The following MORN3 variants were observed in gnomAD, a reference collection of about 807,000 sequenced individuals.
MORN3 encodes MORN repeat containing 3.
In MORN3, 38 loss-of-function variants were observed where a neutral mutation model predicts 34.7. The observed-to-expected ratio is 1.10, with a 90% CI of 0.85 to 1.44. The LOEUF is 1.44. Ranked by LOEUF, MORN3 falls within the 40% of genes most tolerant of loss-of-function variation. The probability of loss-of-function intolerance (pLI) is 0.00; values close to 1 mark genes in which losing one functional copy is unlikely to be tolerated. For synonymous variants in MORN3, 109 were observed against 115.3 expected, an observed-to-expected ratio of 0.95 and a Z score of 0.35; for missense variants, 311 against 321.7, an observed-to-expected ratio of 0.97 and a Z score of 0.25.
rs367963131 is a variant in MORN3, at chr12:121,668,149, T to A, written c.145+1190A>T. Among the ~76,000 whole-genome samples, 4 of 150,870 alleles carry A rather than the reference T, an allele frequency of 2.7e-5. No individual in the cohort carries two copies. The South Asian group carries it at 8.6e-4, about 32-fold the overall frequency. On this transcript the variant is annotated intron_variant, in intron 1 of 5. Coordinates refer to ENST00000355329, the MANE Select transcript of MORN3 (RefSeq NM_173855.5). ...CCTCCCAAAGTGCTGGGATTACAGA[T>A]GTGAGCCACCACACCCAGCCTGGAA...
chr12:121,654,673 C>T (rs59988934), intron 2 of MORN3, among the ~76,000 whole-genome samples: 37,928 of 151,702 alleles, frequency 0.25, 5,317 homozygotes, highest in East Asian at 0.4. Context: ...TCTCGGCTCA[C>T]TGTAACCTCC....
chr12:121,655,346 A>G (rs548506462), intron 2 of MORN3, among the ~76,000 whole-genome samples: 1 of 151,856 alleles, frequency 6.6e-6, no homozygotes, highest in African/African-American at 2.4e-5. Context: ...TCTCAAAAAA[A>G]AAAAAAATCG....
chr12:121,660,670 CTTT>C (rs780680002), intron 1 of MORN3, among the ~76,000 whole-genome samples: 1 of 120,716 alleles, frequency 8.3e-6, no homozygotes, highest in African/African-American at 3.5e-5. Context: ...TTCTTTCTTT[CTTT>C]TTTTTTTTTT....
In MORN3 at chr12:121,650,115, C is replaced by G. The variant is rs1893217948; in HGVS notation, c.*1536G>C. On this transcript the variant is annotated 3_prime_UTR_variant, in exon 6 of 6. Coordinates refer to ENST00000355329, the MANE Select transcript of MORN3 (RefSeq NM_173855.5). The stretch of plus-strand genomic sequence containing the variant: ...CCCCAGGTGGTAAGTACTGTTAATG[C>G]CCCATATTGCAAGTGAGGAGACCAA... 1 of 151,992 alleles carries G rather than the reference C, an allele frequency of 6.6e-6. No individual in the cohort carries two copies. Among genetic ancestry groups the G allele is most frequent in the Non-Finnish European group, 1.5e-5 (1 of 68,004 alleles). The allele number at this position is 151,992 out of a possible 1,614,324, so 9.4% of individuals were successfully genotyped here. A position where few individuals can be genotyped will look rare whatever the true frequency, so the allele number is the denominator to read the frequency against.
At chr12:121,661,057 A>G (rs556458706) in intron 1 of MORN3, among the ~76,000 whole-genome samples, 210 of 152,164 alleles carry the variant, frequency 1.4e-3, no homozygotes, top group South Asian at 4.1e-4. Flanking sequence ...CCAGGCTCAA[A>G]TGATCCTTCT....
chr12:121,658,569 A>G (rs1325492006), intron 2 of MORN3, among the ~76,000 whole-genome samples: 1 of 150,978 alleles, frequency 6.6e-6, no homozygotes, highest in Non-Finnish European at 1.5e-5. Flanking sequence ...CCCTCTCAAA[A>G]AAAAAAAAAA....
chr12:121,670,220 A>G (rs912693654), upstream of MORN3, among the ~76,000 whole-genome samples: 2 of 148,622 alleles, frequency 1.3e-5, no homozygotes, highest in Admixed American at 6.8e-5. Context: ...TATTTTGACA[A>G]TCACACCTAG....
Position 121,653,235 on chromosome 12 carries a change from C to G in MORN3, c.488G>C (p.Cys163Ser), listed in dbSNP as rs782471734. 1.2e-6 allele frequency: 2 copies of G among 1,614,110 alleles called. No individual in the cohort carries two copies. Among genetic ancestry groups the G allele is most frequent in the Non-Finnish European group, 1.7e-6 (2 of 1,180,002 alleles). Residue 163 changes from cysteine (C) to serine (S), a missense_variant, in exon 4 of 6, where the codon TGC (cysteine) becomes TCC (serine). Physicochemically the swap from Cys to Ser is moderately radical, Grantham distance 112 (BLOSUM62 -1). Transcript: ENST00000355329. ...RLKNGNRYEG[C>S]WERGMKNGAG... The stretch of plus-strand genomic sequence containing the variant: ...CCCGTTCTTCATGCCTCTCTCCCAG[C>G]AGCCCTCGTAGCGGTTCCCGTTCTC...
In MORN3 at chr12:121,653,115, C is replaced by A. The variant is rs373511449; in HGVS notation, c.608G>T (p.Arg203Leu). The part of the protein sequence containing the change: ...AKCGTMIDFG[R>L]DEAPEPTQFP... ...CTGAGTGGGCTCAGGGGCCTCGTCA[C>A]GGCCAAAGTCGATCATCGTCCCGCA... Residue 203 changes from arginine (R) to leucine (L), a missense_variant, in exon 4 of 6, where the codon CGT (arginine) becomes CTT (leucine). By Grantham distance (102) the Arg-to-Leu change is moderately radical. Transcript: ENST00000355329. 4 of 1,613,784 alleles carry A rather than the reference C, an allele frequency of 2.5e-6. No homozygotes were observed. Among genetic ancestry groups the A allele is most frequent in the Non-Finnish European group, 2.5e-6 (3 of 1,179,966 alleles).
chr12:121,653,456 T>C (rs1417133027), intron 3 of MORN3, among the ~76,000 whole-genome samples, 197 bp from the exon 4 acceptor site: 1 of 152,040 alleles, frequency 6.6e-6, no homozygotes, highest in Non-Finnish European at 1.5e-5. Context: ...ATTTTTTTAA[T>C]TAGCTGGGCA....
intron 2 of MORN3, 84 bp downstream of exon 2, chr12:121,659,105 CCT>C: frequency 2.0e-6 from 3 of 1,523,222 alleles, no homozygotes; most frequent in Non-Finnish European, 2.7e-6. Context: ...TTCTCCCAGG[CCT>C]CTCTCGGCTT....
At chr12:121,654,499 C>T in intron 2 of MORN3, 66 bp from the exon 3 acceptor site, 1 of 1,486,886 alleles carries the variant, frequency 6.7e-7, no homozygotes, top group Non-Finnish European at 9.0e-7. Flanking sequence ...CCACCGTCTT[C>T]CCAGGCACCC....
rs748119148 is a variant in MORN3 at position 121,659,184 on chromosome 12, T to G, written c.303+7A>C. On this transcript the variant is annotated splice_region_variant and intron_variant, in intron 2 of 5. Transcript: ENST00000355329. The stretch of plus-strand genomic sequence containing the variant: ...ACACACACACCCCGGCTGGCAGGCC[T>G]GCTCACCGATTTCTTATCACCTTTC... 9 of 1,607,746 alleles carry G rather than the reference T, an allele frequency of 5.6e-6. No homozygotes were observed. Among genetic ancestry groups the G allele is most frequent in the Non-Finnish European group, 6.8e-6 (8 of 1,176,338 alleles).
upstream of MORN3, among the ~76,000 whole-genome samples, chr12:121,671,756 T>G (rs1893975281): frequency 6.6e-6 from 1 of 152,000 alleles, no homozygotes; most frequent in South Asian, 2.1e-4. Flanking sequence ...TGACGACGCC[T>G]GTAATCCCAG....
At chr12:121,659,128 C>CAA in intron 2 of MORN3, 63 bp downstream of exon 2, 2 of 1,514,716 alleles carry the variant, frequency 1.3e-6, no homozygotes, top group Non-Finnish European at 1.8e-6. Flanking sequence ...CCCCTAAACA[C>CAA]ACACGCGCGC....
chr12:121,660,856 C>CG (rs956479526), intron 1 of MORN3, among the ~76,000 whole-genome samples: 24 of 151,794 alleles, frequency 1.6e-4, no homozygotes, highest in Middle Eastern at 3.4e-3. Flanking sequence ...TCAGTAGAGA[C>CG]GGGGGTCTCT....
At chr12:121,661,883 GAGA>G (rs958059734) in intron 1 of MORN3, among the ~76,000 whole-genome samples, 13 of 150,914 alleles carry the variant, frequency 8.6e-5, no homozygotes, top group Admixed American at 4.0e-4. Context: ...AAGAAAGAAA[GAGA>G]AGGAGAGAGG....
chr12:121,665,110 A>G (rs553369836), intron 1 of MORN3, among the ~76,000 whole-genome samples: 7 of 151,850 alleles, frequency 4.6e-5, no homozygotes, highest in African/African-American at 1.4e-4. Flanking sequence ...GCCTGTTATT[A>G]GAAGAAGGTG....
At chr12:121,664,841 G>GTTT (rs58324239) in intron 1 of MORN3, among the ~76,000 whole-genome samples, 1 of 69,264 alleles carries the variant, frequency 1.4e-5, no homozygotes, top group African/African-American at 5.4e-5. Context: ...AAAACAACCT[G>GTTT]TTTTTTTTTT....
Sources: gnomAD v4.1 joint callset for allele counts (sites outside exome capture counted in the v4.1 genomes callset) on GRCh38, gnomAD v4.1.1 for gene constraint, MANE v1.5 for transcripts, NCBI Gene and HGNC (gene_info 2026-07-23, HGNC 2026-07-21) for gene names.